Variants in ADAMTSL1 observed in about 807,000 individuals in gnomAD.
ADAMTSL1 encodes the protein ADAMTS like 1.
Under a neutral mutation model 201.8 loss-of-function variants are expected in ADAMTSL1, and 126 were observed. The ratio of observed to expected loss-of-function variants is 0.62; its 90% CI spans 0.54 to 0.72. The LOEUF is 0.72. Ranked by LOEUF, ADAMTSL1 falls within the 30% of genes least tolerant of loss-of-function variation. ADAMTSL1 has a pLI of 0.00. For missense variants in ADAMTSL1, 2,679 were observed against 2,277.8 expected, an observed-to-expected ratio of 1.18 and a Z score of -3.59; for synonymous variants, 1,121 against 903.4, an observed-to-expected ratio of 1.24 and a Z score of -4.32.
intron 28 of ADAMTSL1, 167 bp downstream of exon 28, chr9:18,907,079 G>C (rs1223919168): frequency 2.9e-6 from 2 of 700,546 alleles, no homozygotes; most frequent in East Asian, 5.4e-5. Flanking sequence ...GGTGTATGCA[G>C]AGAGGTGTAT....
chr9:17,925,882 G>C (rs541776776), intron 1 of ADAMTSL1, among the ~76,000 whole-genome samples: 31 of 150,692 alleles, frequency 2.1e-4, no homozygotes, highest in African/African-American at 7.3e-4. Context: ...ACCATCCAAA[G>C]CATCCAGCAA....
At chr9:18,611,575 A>G (rs975833513) in intron 4 of ADAMTSL1, among the ~76,000 whole-genome samples, 4 of 152,206 alleles carry the variant, frequency 2.6e-5, no homozygotes, top group Non-Finnish European at 5.9e-5. Context: ...AGACGAGAAC[A>G]CAATAAATCA....
At chr9:18,646,042 G>A (rs1007686113) in intron 7 of ADAMTSL1, among the ~76,000 whole-genome samples, 11 of 152,044 alleles carry the variant, frequency 7.2e-5, no homozygotes, top group Non-Finnish European at 1.2e-4. Flanking sequence ...TCTTCCATTT[G>A]TTTGTATCCT....
At chr9:18,214,120 T>C (rs1829981612) in intron 2 of ADAMTSL1, among the ~76,000 whole-genome samples, 1 of 152,216 alleles carries the variant, frequency 6.6e-6, no homozygotes, top group Admixed American at 6.5e-5. Flanking sequence ...TAGTGATCTG[T>C]AGGCTTATTT....
chr9:18,386,812 C>T (rs774902052), intron 2 of ADAMTSL1, among the ~76,000 whole-genome samples: 15 of 152,124 alleles, frequency 9.9e-5, no homozygotes, highest in Non-Finnish European at 1.8e-4. Context: ...GATTTCTTCT[C>T]AGCAATCTTT....
chr9:18,173,709 TCAGA>T (rs563226204), intron 2 of ADAMTSL1, among the ~76,000 whole-genome samples: 213 of 152,234 alleles, frequency 1.4e-3, no homozygotes, highest in African/African-American at 5.0e-3. Context: ...ATTTTTAGGC[TCAGA>T]CAACCTCTCA....
chr9:18,089,197 GT>G (rs1334733556), intron 1 of ADAMTSL1, among the ~76,000 whole-genome samples: 1 of 152,016 alleles, frequency 6.6e-6, no homozygotes, highest in Non-Finnish European at 1.5e-5. Context: ...ACTCTGCCAG[GT>G]TTTGGTATCA....
chr9:17,951,725 A>G (rs1588467599), intron 1 of ADAMTSL1, among the ~76,000 whole-genome samples: 3 of 151,584 alleles, frequency 2.0e-5, no homozygotes, highest in South Asian at 4.2e-4. Context: ...CGTGTTACAA[A>G]TATTTTCTCC....
intron 2 of ADAMTSL1, among the ~76,000 whole-genome samples, chr9:18,415,866 C>A (rs1818651649): frequency 6.6e-6 from 1 of 151,558 alleles, no homozygotes; most frequent in Non-Finnish European, 1.5e-5. Flanking sequence ...TCCTTGGAAA[C>A]AATATATACA....
intron 4 of ADAMTSL1, among the ~76,000 whole-genome samples, chr9:18,613,779 A>G (rs567109748): frequency 1.3e-5 from 2 of 152,160 alleles, no homozygotes; most frequent in Non-Finnish European, 2.9e-5. Context: ...ACTATTGGGT[A>G]CTAGGCTTAG....
chr9:18,349,106 G>A (rs144858137), intron 2 of ADAMTSL1, among the ~76,000 whole-genome samples: 22 of 152,278 alleles, frequency 1.4e-4, no homozygotes, highest in East Asian at 1.2e-3. Flanking sequence ...CAGGAAATCC[G>A]TCCTTGGAGT....
chr9:17,977,317 A>G (rs745502916), intron 1 of ADAMTSL1, among the ~76,000 whole-genome samples: 3 of 152,116 alleles, frequency 2.0e-5, no homozygotes, highest in Non-Finnish European at 4.4e-5. Context: ...TAGCTTTGGT[A>G]TCAGAGCAAT....
At chr9:18,714,767 A>G (rs907619711) in intron 14 of ADAMTSL1, among the ~76,000 whole-genome samples, 6 of 152,102 alleles carry the variant, frequency 3.9e-5, no homozygotes, top group Non-Finnish European at 8.8e-5. Flanking sequence ...TATCATACTG[A>G]TACCAAAGCC....
At chr9:18,087,156 C>T (rs1384322791) in intron 1 of ADAMTSL1, among the ~76,000 whole-genome samples, 2 of 152,118 alleles carry the variant, frequency 1.3e-5, no homozygotes, top group African/African-American at 4.8e-5. Flanking sequence ...ATTTATCACA[C>T]ATTGTAGTTA....
intron 15 of ADAMTSL1, among the ~76,000 whole-genome samples, chr9:18,728,259 A>C (rs1342039736): frequency 6.6e-6 from 1 of 152,174 alleles, no homozygotes; most frequent in African/African-American, 2.4e-5. Flanking sequence ...AAGAGATAGA[A>C]ACATCAGCAT....
At chr9:18,224,101 T>C (rs551008004) in intron 2 of ADAMTSL1, among the ~76,000 whole-genome samples, 1 of 152,284 alleles carries the variant, frequency 6.6e-6, no homozygotes, top group Admixed American at 6.5e-5. Flanking sequence ...GCCAGAGATT[T>C]TTCCTGCTTC....
intron 9 of ADAMTSL1, among the ~76,000 whole-genome samples, chr9:18,673,903 G>A (rs1013180978): frequency 1.3e-5 from 2 of 151,904 alleles, no homozygotes; most frequent in African/African-American, 4.8e-5. Flanking sequence ...GAAGAGGATT[G>A]GCATTCTTTA....
intron 1 of ADAMTSL1, among the ~76,000 whole-genome samples, chr9:17,916,026 T>G (rs961698846): frequency 1.3e-5 from 2 of 152,196 alleles, no homozygotes; most frequent in Non-Finnish European, 2.9e-5. Context: ...TTCAAACAAT[T>G]CTCATGCTTC....
chr9:18,652,649 A>G (rs1237207942), intron 7 of ADAMTSL1, among the ~76,000 whole-genome samples: 4 of 152,194 alleles, frequency 2.6e-5, no homozygotes, highest in East Asian at 1.9e-4. Context: ...ATTTTGCCCA[A>G]TTGTAGCCCA....
Sources: allele counts gnomAD v4.1 joint callset (sites outside exome capture counted in the v4.1 genomes callset), GRCh38; gene constraint gnomAD v4.1.1; transcripts MANE v1.5; gene names NCBI Gene and HGNC (gene_info 2026-07-23, HGNC 2026-07-21).